Variants in CDH18 observed in about 807,000 individuals in gnomAD.
CDH18 encodes the protein cadherin-18.
CDH18 carries 31 observed loss-of-function variants against 67.9 expected under a neutral mutation model. The ratio of observed to expected loss-of-function variants is 0.46; its 90% confidence interval spans 0.34 to 0.62. The LOEUF (loss-of-function observed/expected upper bound fraction) is 0.62, where lower values mean the gene tolerates loss of function less well. Ranked by LOEUF, CDH18 falls within the 20% of genes least tolerant of loss-of-function variation. The pLI is 0.01. For synonymous variants in CDH18, 362 were observed against 347.2 expected (o/e 1.04, Z -0.48); for missense variants, 890 against 975.5 (o/e 0.91, Z 1.17).
At chr5:19,960,577 G>A (rs1448691919) in intron 2 of CDH18, among the ~76,000 whole-genome samples, 2 of 123,228 alleles carry the variant, frequency 1.6e-5, no homozygotes, top group African/African-American at 4.6e-5. Context: ...GTGTGTGTGT[G>A]TGTGTGTGTG....
chr5:20,350,612 A>G (rs1404365834), intron 1 of CDH18, among the ~76,000 whole-genome samples: 1 of 152,116 alleles, frequency 6.6e-6, no homozygotes, highest in Non-Finnish European at 1.5e-5. Flanking sequence ...GGAATTTCTC[A>G]TGCATTGATG....
At chr5:19,892,461 C>A (rs1788878679) in intron 2 of CDH18, among the ~76,000 whole-genome samples, 1 of 151,994 alleles carries the variant, frequency 6.6e-6, no homozygotes, top group South Asian at 2.1e-4. Context: ...ATTATATTGT[C>A]TAAAATTCTT....
chr5:20,072,771 A>G (rs1276308478), intron 2 of CDH18, among the ~76,000 whole-genome samples: 1 of 151,826 alleles, frequency 6.6e-6, no homozygotes, highest in Non-Finnish European at 1.5e-5. Flanking sequence ...CCTATGGTAA[A>G]CTGGAACTTT....
chr5:19,565,178 C>T (rs1267339331), intron 8 of CDH18, among the ~76,000 whole-genome samples: 1 of 152,088 alleles, frequency 6.6e-6, no homozygotes, highest in African/African-American at 2.4e-5. Context: ...AACTGAAGAG[C>T]CCTGGGCCTT....
intron 2 of CDH18, among the ~76,000 whole-genome samples, chr5:20,139,547 A>G (rs1203342845): frequency 6.6e-6 from 1 of 152,206 alleles, no homozygotes; most frequent in Non-Finnish European, 1.5e-5. Context: ...AGAATGGGAG[A>G]AAATCTTTGC....
chr5:19,661,379 T>C (rs900694338), intron 5 of CDH18, among the ~76,000 whole-genome samples: 2 of 151,980 alleles, frequency 1.3e-5, no homozygotes, highest in Admixed American at 1.3e-4. Flanking sequence ...GGTGATAATC[T>C]TGGTGTGCTT....
chr5:20,099,730 T>C (rs1746295150), intron 2 of CDH18, among the ~76,000 whole-genome samples: 1 of 152,212 alleles, frequency 6.6e-6, no homozygotes, highest in Non-Finnish European at 1.5e-5. Flanking sequence ...TGAGTGTGTC[T>C]ATTAGACAGG....
chr5:20,172,226 A>ATATATATG lies in CDH18; in HGVS notation c.-518+83217_-518+83218insCATATATA, dbSNP rs1561848721. On this transcript the variant is annotated intron_variant, in intron 2 of 14. Transcript: ENST00000507958. ...TATATATATATATATATATATATGT[A>ATATATATG]TATATATATATATGTATATATATAT... Among the ~76,000 whole-genome samples, 116 of 105,806 alleles carry ATATATATG rather than the reference A, an allele frequency of 1.1e-3. 2 individuals are homozygous for ATATATATG. Among genetic ancestry groups the ATATATATG allele is most frequent in the African/African-American group, 2.7e-3 (63 of 23,394 alleles). The allele number at this position is 105,806 out of a possible 152,430, so 69.4% of individuals were successfully genotyped here. A position where few individuals can be genotyped will look rare whatever the true frequency, so the allele number is the denominator to read the frequency against.
At chr5:20,096,550 TTTAA>T (rs1746010391) in intron 2 of CDH18, among the ~76,000 whole-genome samples, 1 of 152,116 alleles carries the variant, frequency 6.6e-6, no homozygotes, top group African/African-American at 2.4e-5. Flanking sequence ...TATGCATGGC[TTTAA>T]AAGATATGAG....
Position 20,528,983 on chromosome 5 carries a change from TAGAC to T in CDH18, c.-580+46475_-580+46478del, listed in dbSNP as rs982384780. On this transcript the variant is annotated intron_variant, in intron 1 of 14. Coordinates refer to the CDH18 transcript ENST00000507958. ...GTTTTGTGAAAAAAAATCAGTAAAA[TAGAC>T]AGACCTCTAGTTAAGCTCATAAAGA... is the stretch of plus-strand genomic sequence containing the variant. Among the ~76,000 whole-genome samples, 113 of 150,498 alleles carry T rather than the reference TAGAC, an allele frequency of 7.5e-4. 3 individuals are homozygous for T. Among genetic ancestry groups the T allele is most frequent in the African/African-American group, 2.7e-3 (112 of 41,056 alleles).
At chr5:20,297,190 T>C (rs1412127743) in intron 1 of CDH18, among the ~76,000 whole-genome samples, 1 of 152,198 alleles carries the variant, frequency 6.6e-6, no homozygotes, top group Admixed American at 6.5e-5. Context: ...ATCATGAAAA[T>C]GATCCTATAG....
chr5:20,411,863 A>G (rs1746808920), intron 1 of CDH18, among the ~76,000 whole-genome samples: 1 of 152,076 alleles, frequency 6.6e-6, no homozygotes, highest in Admixed American at 6.6e-5. Context: ...ACTACAAAAC[A>G]CTGCTGAAAA....
chr5:19,676,145 A>G (rs913059336), intron 5 of CDH18, among the ~76,000 whole-genome samples: 1 of 152,044 alleles, frequency 6.6e-6, no homozygotes, highest in African/African-American at 2.4e-5. Context: ...CAGACAAAAA[A>G]TAAAGAATAA....
intron 2 of CDH18, among the ~76,000 whole-genome samples, chr5:19,898,352 T>G (rs562668048): frequency 2.6e-5 from 4 of 151,412 alleles, no homozygotes; most frequent in African/African-American, 9.7e-5. Flanking sequence ...TTCTTATAGT[T>G]AAAAAAAACT....
chr5:19,774,620 G>C (rs767946625), intron 3 of CDH18, among the ~76,000 whole-genome samples: 6 of 149,410 alleles, frequency 4.0e-5, no homozygotes, highest in Non-Finnish European at 8.9e-5. Context: ...TCAGGAATTC[G>C]AGACCAGCCT....
chr5:20,058,830 T>C (rs115185171), intron 2 of CDH18, among the ~76,000 whole-genome samples: 2,001 of 152,290 alleles, frequency 0.013, 29 homozygotes, highest in Middle Eastern at 0.027. Context: ...CATCAACTAA[T>C]ATACCCTAGA....
intron 2 of CDH18, among the ~76,000 whole-genome samples, chr5:19,973,636 T>G (rs2150342714): frequency 6.6e-6 from 1 of 152,296 alleles, no homozygotes; most frequent in Admixed American, 6.5e-5. Context: ...AAAAGGGTTC[T>G]GTTTTTAATA....
intron 2 of CDH18, among the ~76,000 whole-genome samples, chr5:20,079,967 A>C (rs1329395003): frequency 6.6e-6 from 1 of 152,168 alleles, no homozygotes; most frequent in Non-Finnish European, 1.5e-5. Flanking sequence ...CACCAATCCC[A>C]TGATGAGGGC....
chr5:19,995,462 G>A (rs1735929838), intron 2 of CDH18, among the ~76,000 whole-genome samples: 1 of 151,898 alleles, frequency 6.6e-6, no homozygotes. Context: ...GACTGGCATT[G>A]GAAGACATAG....
Sources: gnomAD v4.1 joint callset for allele counts (sites outside exome capture counted in the v4.1 genomes callset) on GRCh38, gnomAD v4.1.1 for gene constraint, MANE v1.5 for transcripts, NCBI Gene and HGNC (gene_info 2026-07-23, HGNC 2026-07-21) for gene names.